Variants in MANEA observed in about 807,000 individuals in gnomAD.
MANEA encodes the protein glycoprotein endo-alpha-1,2-mannosidase.
Under a neutral mutation model 36.8 loss-of-function variants are expected in MANEA, and 25 were observed. The observed-to-expected ratio is 0.68, with a 90% CI of 0.50 to 0.95. The LOEUF (loss-of-function observed/expected upper bound fraction) is 0.95, where lower values mean the gene tolerates loss of function less well. Among genes scored for constraint, MANEA ranks in the 40% least tolerant of loss-of-function variants. The probability of loss-of-function intolerance (pLI) is 0.00; values close to 1 mark genes in which losing one functional copy is unlikely to be tolerated. For missense variants in MANEA, 565 were observed against 558.8 expected (o/e 1.01, Z -0.11); for synonymous variants, 198 against 188.5 (o/e 1.05, Z -0.41).
rs200884298 is a variant in MANEA at position 95,596,817 on chromosome 6, T to C, written c.625T>C (p.Leu209=). 6.3e-7 allele frequency: 1 copy of C among 1,592,032 alleles called. No individual in the cohort carries two copies. The change falls in exon 3 of 5, where the codon TTG becomes CTG. Residue 209 remains leucine (L), a synonymous_variant. Coordinates refer to ENST00000358812, the MANE Select transcript of MANEA (RefSeq NM_024641.4). ...TACTGATAACTTGGTACCCACTATT[T>C]TGGATAAAGCTCATAAATATAACCT... ...EPTDNLVPTI[L]DKAHKYNLKV... is the part of the protein sequence containing the mutation.
rs149270639 is a variant in MANEA, at chr6:95,605,783, C to T, written c.767C>T (p.Thr256Met). Residue 256 changes from threonine (T) to methionine (M), a missense_variant, in exon 5 of 5, where the codon ACG becomes ATG. Thr to Met is a moderately conservative substitution (Grantham distance 81). Coordinates refer to ENST00000358812, the MANE Select transcript of MANEA (RefSeq NM_024641.4). ...GNHPAFYRYK[T>M]KTGNALPMFY... ...CATCCGGCCTTTTACAGGTACAAGA[C>T]GAAGACTGGCAATGCTCTTCCTATG... 64 of 1,612,982 alleles carry T rather than the reference C, an allele frequency of 4.0e-5. No homozygotes were observed. Among genetic ancestry groups the T allele is most frequent in the Non-Finnish European group, 4.9e-5 (58 of 1,179,206 alleles).
rs777596199 is a variant in MANEA, at chr6:95,606,161, A to G, written c.1145A>G (p.Tyr382Cys). 9.3e-6 allele frequency: 15 copies of G among 1,613,988 alleles called. No homozygotes were observed. Among genetic ancestry groups the G allele is most frequent in the Non-Finnish European group, 8.5e-7 (1 of 1,179,998 alleles). The change falls in exon 5 of 5, where the codon TAT (tyrosine) becomes TGT (cysteine). Residue 382 changes from tyrosine to cysteine, a missense_variant. Transcript: ENST00000358812. ...NTRNRINGKY[Y>C]EIGLSAALQT... is the part of the protein sequence containing the mutation. Reference sequence around the variant, plus strand: ...CGGAACCGAATCAATGGGAAGTATTATGAAATTGGTCTGAGTGCCGCACTT... The same window carrying G: ...CGGAACCGAATCAATGGGAAGTATTGTGAAATTGGTCTGAGTGCCGCACTT...
intron 2 of MANEA, chr6:95,588,276 T>G (rs1769325442): frequency 6.6e-6 from 1 of 152,072 alleles, no homozygotes; most frequent in Non-Finnish European, 1.5e-5. Flanking sequence ...GGATTCACCA[T>G]GGAGCTGATA....
intron 1 of MANEA, among the ~76,000 whole-genome samples, chr6:95,580,793 A>G (rs1248226362): frequency 1.3e-5 from 2 of 151,396 alleles, no homozygotes; most frequent in Non-Finnish European, 3.0e-5. Context: ...TATATGAGGA[A>G]TAAGTACTTT....
intron 3 of MANEA, among the ~76,000 whole-genome samples, chr6:95,599,856 T>G (rs940842886): frequency 1.3e-5 from 2 of 152,194 alleles, no homozygotes; most frequent in African/African-American, 4.8e-5. Context: ...CCATGTCCCT[T>G]GGTGCCTTTC....
At chr6:95,585,922 G>A (rs1469516483) in intron 1 of MANEA, among the ~76,000 whole-genome samples, 1 of 152,056 alleles carries the variant, frequency 6.6e-6, no homozygotes, top group Non-Finnish European at 1.5e-5. Flanking sequence ...TAGCAATGTG[G>A]GAGGCTGAGA....
intron 1 of MANEA, among the ~76,000 whole-genome samples, chr6:95,582,638 C>T (rs1417236593): frequency 6.6e-6 from 1 of 152,200 alleles, no homozygotes; most frequent in Non-Finnish European, 1.5e-5. Context: ...CTTCTATTTA[C>T]TGCTGGGATA....
intron 1 of MANEA, among the ~76,000 whole-genome samples, chr6:95,580,969 A>G (rs1582217695): frequency 1.3e-5 from 2 of 152,212 alleles, no homozygotes; most frequent in South Asian, 2.1e-4. Flanking sequence ...CATCATAAAC[A>G]ATTGCTCATT....
At chr6:95,598,523 A>G (rs1199078109) in intron 3 of MANEA, among the ~76,000 whole-genome samples, 1 of 152,150 alleles carries the variant, frequency 6.6e-6, no homozygotes, top group Non-Finnish European at 1.5e-5. Flanking sequence ...GAAAGATCTG[A>G]GAGAGAGTCT....
chr6:95,605,837 A>G lies in MANEA; in HGVS notation c.821A>G (p.Lys274Arg). 1 of 1,613,854 alleles carries G rather than the reference A, an allele frequency of 6.2e-7. No individual in the cohort carries two copies. The highest frequency in any genetic ancestry group is 8.5e-7 in the Non-Finnish European group (1 of 1,179,832). Residue 274 changes from lysine (K) to arginine (R), a missense_variant, in exon 5 of 5, where the codon AAG (lysine) becomes AGG (arginine). Physicochemically the swap from Lys to Arg is conservative, Grantham distance 26. Coordinates refer to ENST00000358812, the MANE Select transcript of MANEA (RefSeq NM_024641.4). ...TATGTCTATGATTCCTATATTACCA[A>G]GCCTGAAAAATGGGCCAATCTGTTA... ...MFYVYDSYIT[K>R]PEKWANLLTT...
intron 3 of MANEA, among the ~76,000 whole-genome samples, chr6:95,599,468 G>T (rs1769549178): frequency 6.6e-6 from 1 of 151,572 alleles, no homozygotes; most frequent in Admixed American, 6.6e-5. Flanking sequence ...ACCACTCTGA[G>T]ATTGCAACCA....
chr6:95,602,144 CTGT>C (rs1403378219), intron 3 of MANEA, among the ~76,000 whole-genome samples: 5 of 152,108 alleles, frequency 3.3e-5, no homozygotes, highest in Non-Finnish European at 7.4e-5. Context: ...AAGAGTTTAA[CTGT>C]TGTTTGTTTT....
chr6:95,583,472 G>C (rs1769221465), intron 1 of MANEA, among the ~76,000 whole-genome samples: 1 of 151,802 alleles, frequency 6.6e-6, no homozygotes, highest in Non-Finnish European at 1.5e-5. Context: ...TGCATGCCTT[G>C]ATATATTTAC....
At chr6:95,585,154 A>ATATATGTG (rs1769257514) in intron 1 of MANEA, among the ~76,000 whole-genome samples, 1 of 151,882 alleles carries the variant, frequency 6.6e-6, no homozygotes, top group African/African-American at 2.4e-5. Flanking sequence ...ATATATATAC[A>ATATATGTG]CACACAACAA....
chr6:95,594,639 T>C (rs1769452469), intron 2 of MANEA, among the ~76,000 whole-genome samples: 1 of 152,204 alleles, frequency 6.6e-6, no homozygotes, highest in Admixed American at 6.5e-5. Flanking sequence ...TATTGTTCTT[T>C]ATGAAATACT....
rs111614315 is a variant in MANEA, at chr6:95,604,386, T to C, written c.655-441T>C. ...AAGAAACATATATCTGAATATAGAG[T>C]ATTTCCTATATATATTATATGGGAT... is the stretch of plus-strand genomic sequence containing the variant. On this transcript the variant is annotated intron_variant, in intron 3 of 4. Transcript: ENST00000358812. 3.2e-4 allele frequency among the ~76,000 whole-genome samples: 49 copies of C among 152,002 alleles called. 1 individual carries two copies. The highest frequency in any genetic ancestry group is 1.1e-3 in the African/African-American group (44 of 41,512).
chr6:95,581,950 A>G (rs564226653), intron 1 of MANEA, among the ~76,000 whole-genome samples: 2 of 152,182 alleles, frequency 1.3e-5, no homozygotes, highest in Admixed American at 6.5e-5. Flanking sequence ...AGACATAACT[A>G]TTTTACATGT....
At chr6:95,589,730 A>ATAGCCCC (rs1481501250) in intron 2 of MANEA, among the ~76,000 whole-genome samples, 1 of 152,238 alleles carries the variant, frequency 6.6e-6, no homozygotes, top group East Asian at 1.9e-4. Flanking sequence ...GTTTACTAAA[A>ATAGCCCC]CTTTAGTAGA....
intron 3 of MANEA, among the ~76,000 whole-genome samples, chr6:95,599,341 G>A (rs912419583): frequency 2.0e-5 from 3 of 151,790 alleles, no homozygotes; most frequent in African/African-American, 7.3e-5. Context: ...GCTTGAACCT[G>A]GGAGGCAGAG....
Sources: gnomAD v4.1 joint callset for allele counts (sites outside exome capture counted in the v4.1 genomes callset) on GRCh38, gnomAD v4.1.1 for gene constraint, MANE v1.5 for transcripts, NCBI Gene and HGNC (gene_info 2026-07-23, HGNC 2026-07-21) for gene names.